The following ZNF398 variants were observed in gnomAD, a reference collection of about 807,000 sequenced individuals.
ZNF398 encodes zinc finger protein 398.
ZNF398 carries 18 observed loss-of-function variants against 41.9 expected under a neutral mutation model. The ratio of observed to expected loss-of-function variants is 0.43; its 90% CI spans 0.30 to 0.64. ZNF398 has a LOEUF of 0.64. Among genes scored for constraint, ZNF398 ranks in the 30% least tolerant of loss-of-function variants. The pLI, the probability that ZNF398 is intolerant of heterozygous loss-of-function variation, is 0.14. For missense variants in ZNF398, 669 were observed against 822.8 expected, an observed-to-expected ratio of 0.81 and a Z score of 2.29; for synonymous variants, 260 against 308.8, an observed-to-expected ratio of 0.84 and a Z score of 1.66.
intron 2 of ZNF398, among the ~76,000 whole-genome samples, chr7:149,132,624 G>A (rs1015767545): frequency 6.6e-5 from 10 of 152,108 alleles, no homozygotes; most frequent in African/African-American, 2.4e-4. Context: ...CCCAGAGATG[G>A]GTTGGACCAG....
Position 149,166,374 on chromosome 7 carries a change from ACT to A in ZNF398, c.547+93_547+94del, listed in dbSNP as rs1015197018. 30 of 1,486,530 alleles carry A rather than the reference ACT, an allele frequency of 2.0e-5. No individual in the cohort carries two copies. In the African/African-American group the frequency reaches 3.2e-4, roughly 16 times the overall value. The allele number at this position is 1,486,530 out of a possible 1,614,324, so 92.1% of individuals were successfully genotyped here. On this transcript the variant is annotated intron_variant, in intron 3 of 5. Coordinates refer to ENST00000475153, the MANE Select transcript of ZNF398 (RefSeq NM_170686.3). ...CTTTTCCTCCAGTGACCTCATTCTCACTCTGTCTTCACACACTTCAAATTCTG... is the reference window on the plus strand; with the variant it reads ...CTTTTCCTCCAGTGACCTCATTCTCACTGTCTTCACACACTTCAAATTCTG...
intron 2 of ZNF398, among the ~76,000 whole-genome samples, chr7:149,155,423 C>T (rs1489696811): frequency 6.6e-6 from 1 of 151,954 alleles, no homozygotes; most frequent in African/African-American, 2.4e-5. Flanking sequence ...CCGTCTCCAA[C>T]AACGACAAAA....
chr7:149,149,516 A>G (rs1359788058), intron 1 of ZNF398, among the ~76,000 whole-genome samples: 1 of 151,776 alleles, frequency 6.6e-6, no homozygotes, highest in Non-Finnish European at 1.5e-5. Context: ...GGCGTGAGCC[A>G]CCGCGCCCGG....
At chr7:149,171,303 T>G (rs1795338140) in intron 4 of ZNF398, among the ~76,000 whole-genome samples, 1 of 152,034 alleles carries the variant, frequency 6.6e-6, no homozygotes, top group African/African-American at 2.4e-5. Context: ...TAAAACATAT[T>G]GTACATATAT....
At chr7:149,165,094 A>T in intron 2 of ZNF398, among the ~76,000 whole-genome samples, 1 of 140,128 alleles carries the variant, frequency 7.1e-6, no homozygotes, top group East Asian at 2.0e-4. Flanking sequence ...CTCTGTCTCT[A>T]AAAAAAAAAA....
exon 1 of ZNF398, chr7:149,126,436 C>G: frequency 1.3e-6 from 1 of 768,600 alleles, no homozygotes; most frequent in South Asian, 2.1e-5. Context: ...GAGGAGGGGC[C>G]CGGGCACCCT....
At chr7:149,148,522 G>C (rs1165395123) in intron 1 of ZNF398, 2 of 981,290 alleles carry the variant, frequency 2.0e-6, no homozygotes, top group Non-Finnish European at 1.2e-6. Flanking sequence ...ACTGGGTCAG[G>C]AGCCACCCTG....
intron 4 of ZNF398, among the ~76,000 whole-genome samples, chr7:149,175,317 C>T (rs1437576997): frequency 6.6e-6 from 1 of 151,542 alleles, no homozygotes; most frequent in Non-Finnish European, 1.5e-5. Flanking sequence ...GCTCTCTTGT[C>T]AGCTTGCCAA....
At chr7:149,173,609 G>C (rs1795396607) in intron 4 of ZNF398, among the ~76,000 whole-genome samples, 1 of 152,080 alleles carries the variant, frequency 6.6e-6, no homozygotes, top group African/African-American at 2.4e-5. Context: ...GAGCTTGTGG[G>C]TGACCAGGTG....
At chr7:149,153,348 C>A (rs1794900852) in intron 1 of ZNF398, among the ~76,000 whole-genome samples, 1 of 152,126 alleles carries the variant, frequency 6.6e-6, no homozygotes, top group Non-Finnish European at 1.5e-5. Context: ...CCAAAGTTTG[C>A]CTGTCTGAAA....
At chr7:149,174,344 C>T (rs1464073597) in intron 4 of ZNF398, among the ~76,000 whole-genome samples, 2 of 152,038 alleles carry the variant, frequency 1.3e-5, no homozygotes, top group Non-Finnish European at 2.9e-5. Flanking sequence ...CGCGTGCCAC[C>T]ACAGCCAACT....
intron 2 of ZNF398, among the ~76,000 whole-genome samples, chr7:149,140,633 C>T (rs1826802124): frequency 6.6e-6 from 1 of 152,148 alleles, no homozygotes. Flanking sequence ...ATCCACCCGA[C>T]TCGGCCTCCC....
chr7:149,132,386 G>A (rs993964578), intron 2 of ZNF398, among the ~76,000 whole-genome samples: 1 of 151,958 alleles, frequency 6.6e-6, no homozygotes, highest in African/African-American at 2.4e-5. Flanking sequence ...TAGATATGGG[G>A]TTTCTCCATG....
At position 149,178,846 on chromosome 7, in the gene ZNF398, C is replaced by G. The variant is rs1434977872; in HGVS notation, c.974C>G (p.Thr325Ser). The part of the protein sequence containing the change: ...DLPEASEGQV[T>S]FTQLGSYPLP... ...CCTGAAGCCTCTGAGGGACAAGTGA[C>G]TTTTACTCAGTTGGGTAGCTATCCC... The change falls in exon 6 of 6, where the codon ACT becomes AGT. Residue 325 changes from threonine to serine, a missense_variant. Coordinates refer to ENST00000475153, the MANE Select transcript of ZNF398 (RefSeq NM_170686.3). 1 of 1,614,160 alleles carries G rather than the reference C, an allele frequency of 6.2e-7. No individual in the cohort carries two copies. The highest frequency in any genetic ancestry group is 8.5e-7 in the Non-Finnish European group (1 of 1,180,018).
At chr7:149,134,257 G>A (rs376337823) in intron 2 of ZNF398, among the ~76,000 whole-genome samples, 53 of 150,722 alleles carry the variant, frequency 3.5e-4, no homozygotes, top group African/African-American at 1.2e-3. Context: ...GTTTTTTTTG[G>A]ATTTTTAGTA....
At position 149,182,041 on chromosome 7, in the gene ZNF398, G is replaced by C. The variant is rs182454959; in HGVS notation, c.*2240G>C. On this transcript the variant is annotated 3_prime_UTR_variant, in exon 6 of 6. Coordinates refer to ENST00000475153, the MANE Select transcript of ZNF398 (RefSeq NM_170686.3). Reference sequence around the variant, plus strand: ...GAGGAGGGACTCCTAAAGTAGGTGAGATGTGGGACTAGGTAACACTTTAAA... The same window carrying C: ...GAGGAGGGACTCCTAAAGTAGGTGACATGTGGGACTAGGTAACACTTTAAA... The C allele has an allele frequency of 6.6e-6, 1 of 152,354 alleles. No homozygotes were observed. Among genetic ancestry groups the C allele is most frequent in the Non-Finnish European group, 1.5e-5 (1 of 68,042 alleles). The allele number at this position is 152,354 out of a possible 1,614,324, so 9.4% of individuals were successfully genotyped here. A position where few individuals can be genotyped will look rare whatever the true frequency, so the allele number is the denominator to read the frequency against.
At chr7:149,159,556 G>A (rs1724312) in intron 2 of ZNF398, among the ~76,000 whole-genome samples, 26,922 of 151,614 alleles carry the variant, frequency 0.18, 2,735 homozygotes, top group African/African-American at 0.27. Context: ...GCTGAGGCAG[G>A]AGAATGGCGT....
Position 149,140,637 on chromosome 7 carries a change from G to T in ZNF398, c.-490+11693G>T, listed in dbSNP as rs533526132. Among the ~76,000 whole-genome samples the T allele has an allele frequency of 1.5e-3, 235 of 152,150 alleles. 2 individuals carry two copies. Among genetic ancestry groups the T allele is most frequent in the Admixed American group, 4.4e-3 (67 of 15,266 alleles). ...GACCTCGGGTGATCCACCCGACTCG[G>T]CCTCCCAAAGTGTTGGGATTACAGG... On this transcript the variant is annotated intron_variant, in intron 2 of 6. Coordinates refer to the ZNF398 transcript ENST00000426851.
intron 4 of ZNF398, among the ~76,000 whole-genome samples, chr7:149,174,019 C>A (rs764055476): frequency 9.9e-5 from 15 of 152,016 alleles, no homozygotes; most frequent in Non-Finnish European, 1.9e-4. Context: ...GTCTCAAACT[C>A]CTGACCTCAG....
Sources: gnomAD v4.1 joint callset for allele counts (sites outside exome capture counted in the v4.1 genomes callset) on GRCh38, gnomAD v4.1.1 for gene constraint, MANE v1.5 for transcripts, NCBI Gene and HGNC (gene_info 2026-07-23, HGNC 2026-07-21) for gene names.